Variants in SPATS1 observed in about 807,000 individuals in gnomAD.
SPATS1 encodes the protein spermatogenesis associated serine rich 1, also known as spermatogenesis-associated serine-rich protein 1.
In SPATS1, 23 loss-of-function variants were observed where a neutral mutation model predicts 33.6. The observed-to-expected ratio is 0.68, with a 90% CI of 0.49 to 0.97. SPATS1 has a LOEUF of 0.97. Ranked by LOEUF, SPATS1 falls within the 50% of genes least tolerant of loss-of-function variation. The pLI, the probability that SPATS1 is intolerant of heterozygous loss-of-function variation, is 0.00. For missense variants in SPATS1, 327 were observed against 361.0 expected (o/e 0.91, Z 0.76); for synonymous variants, 131 against 125.6 (o/e 1.04, Z -0.29).
At chr6:44,372,587 G>C (rs984460185) in intron 7 of SPATS1, among the ~76,000 whole-genome samples, 7 of 151,894 alleles carry the variant, frequency 4.6e-5, no homozygotes, top group Non-Finnish European at 1.5e-5. Flanking sequence ...TCAGCCTCCC[G>C]AGTGGCTGGG....
chr6:44,343,668 C>G (rs1006805796), intron 2 of SPATS1: 10 of 366,338 alleles, frequency 2.7e-5, no homozygotes, highest in African/African-American at 4.3e-5. Context: ...TTGGATGGGA[C>G]AGTTCAGGTG....
rs933531695 is a variant in SPATS1 at position 44,378,844 on chromosome 6, G to C, written c.*1781G>C. ...ATATGTGCCTCTAGACTAACTGGCA[G>C]AGAGCATGGTGCCGACTGCCAGCTG... On this transcript the variant is annotated 3_prime_UTR_variant, in exon 9 of 9. Transcript: ENST00000674044. 6.6e-6 allele frequency: 1 copy of C among 152,210 alleles called. No homozygotes were observed. The highest frequency in any genetic ancestry group is 1.5e-5 in the Non-Finnish European group (1 of 68,074). The allele number at this position is 152,210 out of a possible 1,614,324, so 9.4% of individuals were successfully genotyped here.
intron 6 of SPATS1, 86 bp from the exon 7 acceptor site, chr6:44,369,965 A>G: frequency 2.4e-6 from 2 of 833,280 alleles, no homozygotes; most frequent in South Asian, 2.6e-5. Context: ...ATCGGAAAAC[A>G]GGACATTCTA....
chr6:44,348,453 C>CT (rs549931034), intron 2 of SPATS1, among the ~76,000 whole-genome samples: 14 of 148,906 alleles, frequency 9.4e-5, no homozygotes, highest in East Asian at 7.8e-4. Context: ...AGGGGTTACT[C>CT]TTTTTTTTTT....
chr6:44,343,635 TA>T, intron 2 of SPATS1: 1 of 387,448 alleles, frequency 2.6e-6, no homozygotes, highest in Non-Finnish European at 5.1e-6. Context: ...GCTCAGATAT[TA>T]GTAGGTTTGT....
At chr6:44,376,806 C>CAAAA (rs905308686) in intron 8 of SPATS1, among the ~76,000 whole-genome samples, 1 of 149,254 alleles carries the variant, frequency 6.7e-6, no homozygotes, top group African/African-American at 2.4e-5. Context: ...GCCTCAAACA[C>CAAAA]AAACAAACAA....
intron 5 of SPATS1, among the ~76,000 whole-genome samples, chr6:44,363,578 T>C (rs554706205): frequency 1.3e-5 from 2 of 152,332 alleles, no homozygotes; most frequent in South Asian, 2.1e-4. Context: ...TTTATGTTTA[T>C]GATTCTTCCC....
At chr6:44,368,237 C>T (rs377400346) in intron 5 of SPATS1, 142 bp from the exon 6 acceptor site, 4 of 883,426 alleles carry the variant, frequency 4.5e-6, no homozygotes, top group African/African-American at 3.4e-5. Flanking sequence ...AAGATAATCA[C>T]AAACAGAACT....
Position 44,344,389 on chromosome 6 carries a change from A to ATGTGTGTG in SPATS1, c.139+1155_139+1156insTGTGTGTG, listed in dbSNP as rs200916956. 9.7e-3 allele frequency among the ~76,000 whole-genome samples: 1,207 copies of ATGTGTGTG among 124,724 alleles called. 7 individuals carry two copies. The highest frequency in any genetic ancestry group is 0.013 in the Non-Finnish European group (791 of 61,442). The allele number at this position is 124,724 out of a possible 152,430, so 81.8% of individuals were successfully genotyped here. ...GGGGCTCCACAAACCAATTGAAGAT[A>ATGTGTGTG]CGTGTGTGTGTGTGTGTGTGTGTGT... On this transcript the variant is annotated intron_variant, in intron 2 of 8. Coordinates refer to ENST00000674044, the MANE Select transcript of SPATS1 (RefSeq NM_001372081.1).
intron 5 of SPATS1, among the ~76,000 whole-genome samples, chr6:44,364,828 C>T (rs1457351717): frequency 5.4e-5 from 8 of 148,676 alleles, no homozygotes; most frequent in African/African-American, 2.0e-4. Context: ...GACAGAGTCT[C>T]GCTCTGTCAC....
intron 5 of SPATS1, among the ~76,000 whole-genome samples, chr6:44,367,615 T>C (rs74857992): frequency 6.6e-6 from 1 of 152,242 alleles, no homozygotes; most frequent in Admixed American, 6.5e-5. Context: ...CAGCCACGTG[T>C]CCCTGCTTCT....
Position 44,377,040 on chromosome 6 carries a change from T to C in SPATS1, c.880T>C (p.Leu294=). ...LMHMLHLSGA[L]DFPRQS ...CTCCATGCCTCTATCCACAGGTGCT[T>C]TGGACTTTCCAAGACAATCCTGAGC... The change falls in exon 9 of 9, where the codon TTG becomes CTG. Residue 294 remains leucine (L), a synonymous_variant. Transcript: ENST00000674044. The C allele has an allele frequency of 1.9e-6, 3 of 1,614,194 alleles. No homozygotes were observed. Among genetic ancestry groups the C allele is most frequent in the African/African-American group, 1.3e-5 (1 of 75,038 alleles).
At chr6:44,371,880 G>T (rs1048815406) in intron 7 of SPATS1, among the ~76,000 whole-genome samples, 1 of 150,482 alleles carries the variant, frequency 6.6e-6, no homozygotes, top group Non-Finnish European at 1.5e-5. Context: ...GGGAGGCAGA[G>T]CTTGCAGTGA....
intron 7 of SPATS1, among the ~76,000 whole-genome samples, chr6:44,372,267 AAG>A (rs1187834073): frequency 6.6e-6 from 1 of 151,490 alleles, no homozygotes; most frequent in African/African-American, 2.4e-5. Flanking sequence ...AAAAAAAAAA[AAG>A]ATTTTTGTTT....
At chr6:44,360,905 T>C (rs1388864537) in intron 4 of SPATS1, among the ~76,000 whole-genome samples, 1 of 152,234 alleles carries the variant, frequency 6.6e-6, no homozygotes, top group Non-Finnish European at 1.5e-5. Context: ...TTTTGAAATG[T>C]ATGTGTGTGT....
In SPATS1 at chr6:44,370,108, T is replaced by C. The variant is rs766784304; in HGVS notation, c.753T>C (p.Ile251=). ...TFIPLEPLPQ[I]PNLPFWVKEK... is the part of the protein sequence containing the mutation. ...TTCCACTTGAGCCTCTTCCACAAAT[T>C]CCCAAGTGAGTTCTCTTGTCATGTT... Residue 251 remains isoleucine (I), a synonymous_variant, in exon 7 of 9, where the codon ATT becomes ATC. Transcript: ENST00000674044. The C allele has an allele frequency of 6.2e-7, 1 of 1,611,536 alleles. No homozygotes were observed. Among genetic ancestry groups the C allele is most frequent in the South Asian group, 1.1e-5 (1 of 90,952 alleles).
At chr6:44,348,410 T>C (rs1362930581) in intron 2 of SPATS1, among the ~76,000 whole-genome samples, 3 of 152,242 alleles carry the variant, frequency 2.0e-5, no homozygotes, top group South Asian at 2.1e-4. Flanking sequence ...TCTGCTTTTA[T>C]GATTTTATTC....
At chr6:44,362,983 C>A (rs1342957627) in intron 5 of SPATS1, among the ~76,000 whole-genome samples, 2 of 152,054 alleles carry the variant, frequency 1.3e-5, no homozygotes, top group African/African-American at 4.8e-5. Flanking sequence ...GGATTATAGG[C>A]ATGCACCACC....
chr6:44,347,507 C>T (rs1291188537), intron 2 of SPATS1, among the ~76,000 whole-genome samples: 2 of 152,034 alleles, frequency 1.3e-5, no homozygotes. Context: ...AAATCTATGC[C>T]TCTTTTCCTT....
Sources: gnomAD v4.1 joint callset for allele counts (sites outside exome capture counted in the v4.1 genomes callset) on GRCh38, gnomAD v4.1.1 for gene constraint, MANE v1.5 for transcripts, NCBI Gene and HGNC (gene_info 2026-07-23, HGNC 2026-07-21) for gene names.